SFMBT2: variants seen among roughly 807,000 people sequenced by gnomAD.
The protein encoded by SFMBT2 is scm-like with four MBT domains protein 2.
A neutral mutation model predicts 110.1 loss-of-function variants in SFMBT2; 38 were observed. The observed-to-expected ratio is 0.35, with a 90% CI of 0.27 to 0.45. The LOEUF is 0.45. SFMBT2 is among the 20% of genes least tolerant of loss of function. The pLI is 1.00. For missense variants in SFMBT2, 1,011 were observed against 1,094.9 expected (o/e 0.92, Z 1.08); for synonymous variants, 425 against 425.4 (o/e 1.00, Z 0.01).
intron 11 of SFMBT2, chr10:7,214,849 T>C (rs1839480305): frequency 1.3e-6 from 1 of 748,400 alleles, no homozygotes; most frequent in South Asian, 6.0e-5. Flanking sequence ...TTTTAATTTA[T>C]AACAGGGCTC....
intron 7 of SFMBT2, among the ~76,000 whole-genome samples, chr10:7,269,707 A>AGTGTGTGCGT: frequency 1.4e-5 from 2 of 146,438 alleles, no homozygotes; most frequent in Middle Eastern, 7.0e-3. Context: ...AAAGCAAGTA[A>AGTGTGTGCGT]GTGTGTGCGT....
At chr10:7,325,845 T>C (rs1220552968) in intron 4 of SFMBT2, among the ~76,000 whole-genome samples, 1 of 152,222 alleles carries the variant, frequency 6.6e-6, no homozygotes, top group Admixed American at 6.5e-5. Context: ...TGCAAAACTC[T>C]GAATATACTA....
chr10:7,232,527 CG>C (rs1378510562), intron 9 of SFMBT2, among the ~76,000 whole-genome samples: 1 of 151,872 alleles, frequency 6.6e-6, no homozygotes, highest in African/African-American at 2.4e-5. Flanking sequence ...TGAAACGGCA[CG>C]TAGTTTTAAA....
chr10:7,249,573 T>C (rs1047202470), intron 7 of SFMBT2: 167 of 984,990 alleles, frequency 1.7e-4, no homozygotes, highest in Non-Finnish European at 1.9e-4. Flanking sequence ...CAAAAATATC[T>C]GGGGACCTGT....
intron 7 of SFMBT2, among the ~76,000 whole-genome samples, chr10:7,272,499 TG>T (rs1293990734): frequency 6.6e-6 from 1 of 152,086 alleles, no homozygotes; most frequent in Non-Finnish European, 1.5e-5. Flanking sequence ...GATATAAGCA[TG>T]GGGAGGTGAC....
At chr10:7,176,813 G>A (rs1431748553) in intron 16 of SFMBT2, among the ~76,000 whole-genome samples, 1 of 152,132 alleles carries the variant, frequency 6.6e-6, no homozygotes, top group Non-Finnish European at 1.5e-5. Flanking sequence ...ATTGGGACCT[G>A]GAAACCGAGT....
intron 4 of SFMBT2, among the ~76,000 whole-genome samples, chr10:7,299,980 G>A (rs1225143795): frequency 6.6e-6 from 1 of 152,166 alleles, no homozygotes; most frequent in African/African-American, 2.4e-5. Context: ...TGAATACTAT[G>A]CAGCCATGAA....
chr10:7,371,148 G>C (rs904202538), intron 2 of SFMBT2, among the ~76,000 whole-genome samples: 3 of 152,144 alleles, frequency 2.0e-5, no homozygotes, highest in Non-Finnish European at 2.9e-5. Flanking sequence ...TTGAGAGACA[G>C]AGTCTTGCTC....
chr10:7,179,351 C>T (rs1007086289), intron 16 of SFMBT2, among the ~76,000 whole-genome samples: 42 of 138,734 alleles, frequency 3.0e-4, no homozygotes, highest in African/African-American at 9.6e-4. Context: ...CCAGGACCCA[C>T]GTTGGGGCGG....
In SFMBT2 at chr10:7,301,612, C is replaced by T. The variant is rs936608046; in HGVS notation, c.437-15658G>A. ...CACCAGCCAGGGGCATCTCCGCTGC[C>T]TCCACAGGACAAACCAGAGACTGCA... On this transcript the variant is annotated intron_variant, in intron 4 of 20. Transcript: ENST00000397167. The surrounding 1 kb of genome is among the most constrained non-coding windows in gnomAD (Gnocchi z 4.2). Among the ~76,000 whole-genome samples the T allele has an allele frequency of 2.0e-5, 3 of 152,194 alleles. No individual in the cohort carries two copies. The highest frequency in any genetic ancestry group is 7.2e-5 in the African/African-American group (3 of 41,456).
intron 7 of SFMBT2, among the ~76,000 whole-genome samples, chr10:7,255,102 C>T (rs192802046): frequency 9.9e-5 from 15 of 152,262 alleles, no homozygotes; most frequent in Admixed American, 8.5e-4. Flanking sequence ...CAAATCTAAT[C>T]ACCCCAGACC....
intron 9 of SFMBT2, among the ~76,000 whole-genome samples, chr10:7,235,945 C>T (rs1194351780): frequency 6.6e-6 from 1 of 152,126 alleles, no homozygotes; most frequent in Admixed American, 6.6e-5. Context: ...CTCAATAAAA[C>T]ACCAACAACA....
At chr10:7,200,174 T>C (rs970100269) in intron 14 of SFMBT2, among the ~76,000 whole-genome samples, 6 of 152,226 alleles carry the variant, frequency 3.9e-5, no homozygotes, top group African/African-American at 1.4e-4. Context: ...TAAACCCTTT[T>C]TCTATAGACT....
intron 4 of SFMBT2, among the ~76,000 whole-genome samples, chr10:7,348,897 C>T (rs1844208555): frequency 6.6e-6 from 1 of 152,176 alleles, no homozygotes; most frequent in South Asian, 2.1e-4. Context: ...TCAGGGTGTT[C>T]AAGTCCTCAG....
chr10:7,382,134 G>A (rs1158312158), intron 1 of SFMBT2, among the ~76,000 whole-genome samples, 185 bp from the exon 2 acceptor site: 3 of 152,166 alleles, frequency 2.0e-5, no homozygotes, highest in Non-Finnish European at 4.4e-5. Flanking sequence ...CTGAGGCCAG[G>A]TGCAGTGGCT....
At chr10:7,278,230 A>G (rs2131828347) in intron 6 of SFMBT2, among the ~76,000 whole-genome samples, 1 of 152,308 alleles carries the variant, frequency 6.6e-6, no homozygotes, top group South Asian at 2.1e-4. Context: ...ATGGGCCTCA[A>G]CACACACTTC....
intron 1 of SFMBT2, among the ~76,000 whole-genome samples, chr10:7,401,749 G>A (rs900501915): frequency 6.6e-5 from 10 of 152,252 alleles, no homozygotes; most frequent in African/African-American, 2.2e-4. Context: ...GTCTCTTCCT[G>A]CAGGTACAAA....
At chr10:7,244,909 G>A (rs1164758528) in intron 8 of SFMBT2, among the ~76,000 whole-genome samples, 4 of 152,178 alleles carry the variant, frequency 2.6e-5, no homozygotes, top group Non-Finnish European at 5.9e-5. Context: ...CCTTCCCAGT[G>A]AGGTCATGTC....
intron 20 of SFMBT2, among the ~76,000 whole-genome samples, chr10:7,164,756 C>T (rs1198764035): frequency 2.2e-5 from 3 of 135,228 alleles, no homozygotes; most frequent in African/African-American, 3.6e-5. Flanking sequence ...AACACACACA[C>T]ACACACACAC....
Sources: gnomAD v4.1 joint callset for allele counts (sites outside exome capture counted in the v4.1 genomes callset) on GRCh38, gnomAD v4.1.1 for gene constraint, Gnocchi (gnomAD v3.1) non-coding constraint, MANE v1.5 for transcripts, NCBI Gene and HGNC (gene_info 2026-07-23, HGNC 2026-07-21) for gene names.